The following ARB2A variants were observed in gnomAD, a reference collection of about 807,000 sequenced individuals.
ARB2A encodes the protein cotranscriptional regulator ARB2A.
the ARB2A span, among the ~76,000 whole-genome samples, chr5:93,768,557 A>G: frequency 6.6e-6 from 1 of 151,316 alleles, no homozygotes; most frequent in Admixed American, 6.6e-5. Context: ...ACATTTATAC[A>G]CTATATATAC....
the ARB2A span, among the ~76,000 whole-genome samples, chr5:93,656,811 GT>G: frequency 2.2e-4 from 32 of 148,490 alleles, no homozygotes; most frequent in African/African-American, 4.0e-4. Flanking sequence ...TTTATAAGTT[GT>G]TTTTTTTTTA....
At chr5:93,726,028 GC>G in the ARB2A span, among the ~76,000 whole-genome samples, 5 of 152,158 alleles carry the variant, frequency 3.3e-5, no homozygotes, top group African/African-American at 1.2e-4. Flanking sequence ...ATGACTTGGG[GC>G]ACTGTGCTAA....
the ARB2A span, among the ~76,000 whole-genome samples, chr5:93,772,848 A>G: frequency 6.6e-6 from 1 of 152,222 alleles, no homozygotes; most frequent in South Asian, 2.1e-4. Context: ...TGAGCAAGCT[A>G]GAGGACAAGA....
At chr5:93,866,214 C>A in the ARB2A span, 1 of 985,280 alleles carries the variant, frequency 1.0e-6, no homozygotes, top group Non-Finnish European at 1.2e-6. Context: ...GGAATTTTTT[C>A]ACTCTCCTCT....
the ARB2A span, among the ~76,000 whole-genome samples, chr5:93,714,231 T>A: frequency 6.6e-6 from 1 of 152,238 alleles, no homozygotes; most frequent in African/African-American, 2.4e-5. Flanking sequence ...TTATTTGATG[T>A]CTGGCTTCAT....
At chr5:94,030,647 G>A in the ARB2A span, among the ~76,000 whole-genome samples, 139 of 152,310 alleles carry the variant, frequency 9.1e-4, 1 homozygote, top group African/African-American at 3.2e-3. Flanking sequence ...GCATGCTATG[G>A]TTTGGTTGTA....
the ARB2A span, among the ~76,000 whole-genome samples, chr5:93,856,756 T>C: frequency 3.2e-4 from 49 of 152,208 alleles, no homozygotes; most frequent in Admixed American, 9.2e-4. Flanking sequence ...AGTAGTTTGA[T>C]CATCTGAAGC....
At chr5:93,844,178 T>A in the ARB2A span, among the ~76,000 whole-genome samples, 2 of 150,408 alleles carry the variant, frequency 1.3e-5, no homozygotes, top group South Asian at 4.2e-4. Context: ...GGCACATAGC[T>A]CACGCCTGTA....
the ARB2A span, among the ~76,000 whole-genome samples, chr5:93,754,688 T>A: frequency 6.6e-6 from 1 of 152,190 alleles, no homozygotes; most frequent in South Asian, 2.1e-4. Context: ...GAATGCCCCC[T>A]CATACACAGT....
At chr5:94,029,617 C>T in the ARB2A span, among the ~76,000 whole-genome samples, 1 of 151,142 alleles carries the variant, frequency 6.6e-6, no homozygotes, top group African/African-American at 2.4e-5. Context: ...TGTCAGGCTG[C>T]TGTATTATCA....
At chr5:94,002,403 A>G in the ARB2A span, among the ~76,000 whole-genome samples, 17 of 151,812 alleles carry the variant, frequency 1.1e-4, no homozygotes, top group African/African-American at 4.1e-4. Flanking sequence ...TAACTCTTAC[A>G]CTTGTCTGCA....
chr5:93,830,311 G>GTGTATATATATATATATATA, the ARB2A span, among the ~76,000 whole-genome samples: 1 of 82,260 alleles, frequency 1.2e-5, no homozygotes, highest in African/African-American at 5.2e-5. Context: ...GTGTGTGTGT[G>GTGTATATATATATATATATA]TATATATATA....
chr5:93,641,733 T>C, the ARB2A span, among the ~76,000 whole-genome samples: 1 of 152,242 alleles, frequency 6.6e-6, no homozygotes, highest in African/African-American at 2.4e-5. Context: ...TAAACTTCTA[T>C]AGTGACTTAA....
At chr5:93,683,224 G>A in the ARB2A span, 166 of 1,377,846 alleles carry the variant, frequency 1.2e-4, no homozygotes, top group Middle Eastern at 6.2e-4. Context: ...CATCATCATC[G>A]TCATCATCTT....
At chr5:93,634,634 T>C in the ARB2A span, among the ~76,000 whole-genome samples, 1 of 152,228 alleles carries the variant, frequency 6.6e-6, no homozygotes, top group Non-Finnish European at 1.5e-5. Context: ...CAAAGAGTTT[T>C]AGTGCTAGCA....
chr5:93,752,173 T>G, the ARB2A span, among the ~76,000 whole-genome samples: 1 of 152,044 alleles, frequency 6.6e-6, no homozygotes, highest in Non-Finnish European at 1.5e-5. Flanking sequence ...GCAAGCGAAG[T>G]AAAGACAGCC....
chr5:94,020,067 G>A, the ARB2A span, among the ~76,000 whole-genome samples: 701 of 152,242 alleles, frequency 4.6e-3, 6 homozygotes, highest in African/African-American at 0.016. Flanking sequence ...TGTACACCAC[G>A]TAATGCTATG....
chr5:93,694,485 T>G, the ARB2A span, among the ~76,000 whole-genome samples: 4 of 152,062 alleles, frequency 2.6e-5, no homozygotes, highest in Non-Finnish European at 4.4e-5. Context: ...TGACAAGAGA[T>G]GTGAAGGACC....
At chr5:93,964,930 G>C in the ARB2A span, among the ~76,000 whole-genome samples, 1 of 151,830 alleles carries the variant, frequency 6.6e-6, no homozygotes, top group Non-Finnish European at 1.5e-5. Flanking sequence ...TCACTGAATC[G>C]AGGAGGAAAA....
Sources: gnomAD v4.1 joint callset for allele counts (sites outside exome capture counted in the v4.1 genomes callset) on GRCh38, gnomAD v4.1.1 for gene constraint, MANE v1.5 for transcripts, NCBI Gene and HGNC (gene_info 2026-07-23, HGNC 2026-07-21) for gene names.